The following PTPRT variants were observed in gnomAD, a reference collection of about 807,000 sequenced individuals.
The protein encoded by PTPRT is protein tyrosine phosphatase receptor type T.
PTPRT carries 56 observed loss-of-function variants against 176.8 expected under a neutral mutation model. The ratio of observed to expected loss-of-function variants is 0.32; its 90% CI spans 0.26 to 0.40. The LOEUF is 0.40. Ranked by LOEUF, PTPRT falls within the 10% of genes least tolerant of loss-of-function variation. The pLI is 1.00. For missense variants in PTPRT, 1,540 were observed against 1,908.2 expected (o/e 0.81, Z 3.60); for synonymous variants, 783 against 739.0 (o/e 1.06, Z -0.96).
At chr20:43,063,787 G>A (rs1987567250) in intron 1 of PTPRT, among the ~76,000 whole-genome samples, 1 of 152,136 alleles carries the variant, frequency 6.6e-6, no homozygotes, top group East Asian at 1.9e-4. Flanking sequence ...CTGAAATACA[G>A]CTCCTCAACC....
At chr20:43,045,315 G>T (rs1288825988) in intron 1 of PTPRT, among the ~76,000 whole-genome samples, 1 of 152,142 alleles carries the variant, frequency 6.6e-6, no homozygotes, top group East Asian at 1.9e-4. Context: ...TACTGACACA[G>T]CCTCCATGGG....
At chr20:42,988,824 G>A (rs540141944) in intron 1 of PTPRT, among the ~76,000 whole-genome samples, 11 of 152,278 alleles carry the variant, frequency 7.2e-5, no homozygotes, top group South Asian at 2.1e-4. Context: ...ACCATTCGAC[G>A]AGGTGACAGT....
chr20:43,098,146 G>T (rs938275635), intron 1 of PTPRT, among the ~76,000 whole-genome samples: 7 of 152,282 alleles, frequency 4.6e-5, no homozygotes, highest in African/African-American at 1.4e-4. Flanking sequence ...GCTCCAAGGG[G>T]ACTGATGACA....
At chr20:43,084,312 G>A (rs1445358937) in intron 1 of PTPRT, among the ~76,000 whole-genome samples, 1 of 152,168 alleles carries the variant, frequency 6.6e-6, no homozygotes, top group African/African-American at 2.4e-5. Context: ...CTGAGATGGG[G>A]TAATTTATAA....
At chr20:42,261,693 C>T (rs933700709) in intron 13 of PTPRT, among the ~76,000 whole-genome samples, 2 of 151,906 alleles carry the variant, frequency 1.3e-5, no homozygotes, top group Non-Finnish European at 2.9e-5. Context: ...GTCTCAGCTT[C>T]CTTTGTCTGA....
chr20:42,557,450 T>C (rs2072879690), intron 7 of PTPRT, among the ~76,000 whole-genome samples: 1 of 152,016 alleles, frequency 6.6e-6, no homozygotes, highest in African/African-American at 2.4e-5. Flanking sequence ...GCAGGTAGAA[T>C]TCCCCTAGAA....
At chr20:42,665,390 G>A (rs1231723971) in intron 7 of PTPRT, among the ~76,000 whole-genome samples, 3 of 151,626 alleles carry the variant, frequency 2.0e-5, no homozygotes, top group Admixed American at 6.6e-5. Context: ...AAACCACAAT[G>A]AGATACCATC....
chr20:42,907,775 C>T (rs1024696402), intron 1 of PTPRT, among the ~76,000 whole-genome samples: 1 of 150,768 alleles, frequency 6.6e-6, no homozygotes, highest in Non-Finnish European at 1.5e-5. Context: ...CTCTCAGAGG[C>T]CCTGGGAACT....
intron 7 of PTPRT, among the ~76,000 whole-genome samples, chr20:42,540,968 A>C (rs1280680548): frequency 1.3e-5 from 2 of 152,182 alleles, no homozygotes; most frequent in Non-Finnish European, 2.9e-5. Context: ...CACAAGTACC[A>C]ATAAAGGTAG....
intron 7 of PTPRT, among the ~76,000 whole-genome samples, chr20:42,593,474 C>A (rs1363476421): frequency 1.3e-5 from 2 of 152,170 alleles, no homozygotes; most frequent in African/African-American, 2.4e-5. Context: ...GAGGTTCTGA[C>A]TGTGATGTCA....
chr20:42,326,892 C>T (rs1254910591), intron 11 of PTPRT, among the ~76,000 whole-genome samples: 1 of 150,166 alleles, frequency 6.7e-6, no homozygotes, highest in Non-Finnish European at 1.5e-5. Flanking sequence ...TGTGGATGGC[C>T]ATAATTTGAC....
chr20:42,371,933 C>A (rs4140627), intron 9 of PTPRT, among the ~76,000 whole-genome samples: 44,155 of 152,030 alleles, frequency 0.29, 6,785 homozygotes, highest in Admixed American at 0.36. Flanking sequence ...GGCTGAGTCT[C>A]CATGTAGGTT....
At chr20:42,704,069 C>T (rs2076014642) in intron 6 of PTPRT, among the ~76,000 whole-genome samples, 2 of 152,116 alleles carry the variant, frequency 1.3e-5, no homozygotes, top group African/African-American at 4.8e-5. Flanking sequence ...AAACCAAGGT[C>T]ACTGTGCAAA....
chr20:42,308,221 T>C (rs1006511206), intron 12 of PTPRT, among the ~76,000 whole-genome samples: 9 of 152,162 alleles, frequency 5.9e-5, no homozygotes, highest in Non-Finnish European at 1.2e-4. Flanking sequence ...CAGCCATTAT[T>C]TTATTCCTTA....
In PTPRT at chr20:42,992,531, G is replaced by C. The variant is rs77658490; in HGVS notation, c.89-106599C>G. 4.7e-4 allele frequency among the ~76,000 whole-genome samples: 72 copies of C among 152,314 alleles called. 2 individuals carry two copies. In the East Asian group the frequency reaches 0.013, roughly 29 times the overall value. On this transcript the variant is annotated intron_variant, in intron 1 of 30. Coordinates refer to ENST00000373187, the MANE Select transcript of PTPRT (RefSeq NM_007050.6). ...GGGTGAGGAGCAGAAAAAGGAGTTAGCATCTTTATCCAGCAACCAAGACCA... is the reference window on the plus strand; with the variant it reads ...GGGTGAGGAGCAGAAAAAGGAGTTACCATCTTTATCCAGCAACCAAGACCA...
chr20:42,676,841 TAC>T (rs1320897468), intron 7 of PTPRT, among the ~76,000 whole-genome samples: 1 of 152,142 alleles, frequency 6.6e-6, no homozygotes, highest in African/African-American at 2.4e-5. Context: ...ATCTCAGAGG[TAC>T]AGTGAGACAC....
intron 13 of PTPRT, among the ~76,000 whole-genome samples, chr20:42,252,998 C>T (rs899962816): frequency 2.0e-5 from 3 of 152,156 alleles, no homozygotes; most frequent in African/African-American, 7.2e-5. Flanking sequence ...GGGAACTTGC[C>T]CTAGACTCTG....
chr20:42,294,804 A>G (rs2057365491), intron 12 of PTPRT, among the ~76,000 whole-genome samples: 1 of 152,116 alleles, frequency 6.6e-6, no homozygotes, highest in Admixed American at 6.5e-5. Context: ...AATAAAAAGA[A>G]AGTTGATTTA....
intron 2 of PTPRT, among the ~76,000 whole-genome samples, chr20:42,840,605 G>T (rs1343473243): frequency 1.3e-5 from 2 of 152,030 alleles, no homozygotes; most frequent in Non-Finnish European, 2.9e-5. Flanking sequence ...TAGAGACGGG[G>T]TTTCACCATG....
Sources: allele counts gnomAD v4.1 joint callset (sites outside exome capture counted in the v4.1 genomes callset), GRCh38; gene constraint gnomAD v4.1.1; transcripts MANE v1.5; gene names NCBI Gene and HGNC (gene_info 2026-07-23, HGNC 2026-07-21).